The following RHOBTB1 variants were observed in gnomAD, a reference collection of about 807,000 sequenced individuals.
The protein encoded by RHOBTB1 is Rho related BTB domain containing 1, also known as rho-related BTB domain-containing protein 1.
Under a neutral mutation model 71.6 loss-of-function variants are expected in RHOBTB1, and 40 were observed. That is an observed-to-expected ratio of 0.56 (90% CI 0.43 to 0.73). The LOEUF is 0.73. Ranked by LOEUF, RHOBTB1 falls within the 30% of genes least tolerant of loss-of-function variation. The pLI is 0.00. For synonymous variants in RHOBTB1, 319 were observed against 334.9 expected (o/e 0.95, Z 0.52); for missense variants, 797 against 894.0 (o/e 0.89, Z 1.38).
chr10:60,906,736 T>C (rs752604681), intron 4 of RHOBTB1, among the ~76,000 whole-genome samples: 5 of 152,112 alleles, frequency 3.3e-5, no homozygotes, highest in Non-Finnish European at 5.9e-5. Context: ...GTCAGCAACA[T>C]AGGCTTTATT....
At chr10:60,904,405 T>A (rs1202586562) in intron 4 of RHOBTB1, among the ~76,000 whole-genome samples, 1 of 152,238 alleles carries the variant, frequency 6.6e-6, no homozygotes, top group Non-Finnish European at 1.5e-5. Flanking sequence ...AATTTCCTTA[T>A]GTTCCTTTGT....
chr10:60,998,016 C>T (rs965240092), intron 1 of RHOBTB1, among the ~76,000 whole-genome samples: 1 of 152,172 alleles, frequency 6.6e-6, no homozygotes, highest in Admixed American at 6.5e-5. Context: ...AGACTATTAG[C>T]TGATCTCTAA....
At chr10:60,903,683 CCCCTGGGTCAGACTAT>C (rs1469387466) in intron 4 of RHOBTB1, among the ~76,000 whole-genome samples, 1 of 151,550 alleles carries the variant, frequency 6.6e-6, no homozygotes, top group African/African-American at 2.4e-5. Context: ...AGACTATGGG[CCCCTGGGTCAGACTAT>C]GAGCCACTGA....
chr10:60,900,462 C>T (rs530512463), intron 4 of RHOBTB1, among the ~76,000 whole-genome samples: 8 of 152,244 alleles, frequency 5.3e-5, no homozygotes, highest in South Asian at 2.1e-4. Context: ...TTCCCTGTTC[C>T]GGGAACTGAC....
At chr10:60,895,210 C>G (rs901533181) in intron 4 of RHOBTB1, among the ~76,000 whole-genome samples, 3 of 152,042 alleles carry the variant, frequency 2.0e-5, no homozygotes, top group African/African-American at 7.3e-5. Context: ...TATTTCACCT[C>G]AAAATAATGA....
intron 2 of RHOBTB1, among the ~76,000 whole-genome samples, chr10:60,985,141 C>T (rs1239094936): frequency 1.3e-5 from 2 of 151,992 alleles, no homozygotes; most frequent in African/African-American, 4.8e-5. Flanking sequence ...GAGAGTTTTC[C>T]TTTTAAATAT....
intron 2 of RHOBTB1, among the ~76,000 whole-genome samples, chr10:60,955,012 T>C (rs182235259): frequency 1.1e-4 from 17 of 150,708 alleles, no homozygotes; most frequent in Non-Finnish European, 1.9e-4. Context: ...CATACTTATT[T>C]GACAAGGGGA....
chr10:60,861,627 GA>G, the RHOBTB1 span, among the ~76,000 whole-genome samples: 1 of 151,282 alleles, frequency 6.6e-6, no homozygotes, highest in Non-Finnish European at 1.5e-5. Flanking sequence ...TTCTCCTTTG[GA>G]ACATGCCTAG....
chr10:60,931,193 G>A (rs1033482848), intron 2 of RHOBTB1, among the ~76,000 whole-genome samples: 3 of 151,912 alleles, frequency 2.0e-5, no homozygotes, highest in Non-Finnish European at 4.4e-5. Flanking sequence ...TAAAATCCAC[G>A]TGCTACACAT....
chr10:60,884,512 A>G (rs1405809350), intron 7 of RHOBTB1, among the ~76,000 whole-genome samples: 1 of 152,198 alleles, frequency 6.6e-6, no homozygotes, highest in Non-Finnish European at 1.5e-5. Context: ...AACAGTTTGT[A>G]AAAAGACAAA....
intron 2 of RHOBTB1, among the ~76,000 whole-genome samples, chr10:60,926,510 C>T (rs1188794321): frequency 6.6e-6 from 1 of 152,154 alleles, no homozygotes; most frequent in African/African-American, 2.4e-5. Context: ...AATTCAACAA[C>T]ACACTAAAAA....
chr10:60,897,346 T>TA (rs2082208597), intron 4 of RHOBTB1, among the ~76,000 whole-genome samples: 1 of 152,230 alleles, frequency 6.6e-6, no homozygotes, highest in South Asian at 2.1e-4. Context: ...GTAACAAACT[T>TA]TTATTGTTAA....
intron 1 of RHOBTB1, among the ~76,000 whole-genome samples, chr10:60,988,509 A>C (rs1432144607): frequency 1.3e-5 from 2 of 151,732 alleles, no homozygotes; most frequent in Non-Finnish European, 2.9e-5. Flanking sequence ...CTTTATGTCC[A>C]TGTGTACCCA....
At chr10:60,875,119 G>A in intron 8 of RHOBTB1, 77 bp from the exon 9 acceptor site, 1 of 1,028,038 alleles carries the variant, frequency 9.7e-7, no homozygotes, top group Non-Finnish European at 1.5e-6. Context: ...GGGTTGGTCT[G>A]GGACGACTTA....
chr10:60,970,687 C>T (rs1897359), intron 2 of RHOBTB1, among the ~76,000 whole-genome samples: 81,953 of 151,876 alleles, frequency 0.54, 22,390 homozygotes, highest in East Asian at 0.77. Flanking sequence ...TACTTTTTAA[C>T]AGTTCCGTGG....
rs545923988 is a variant in RHOBTB1, at chr10:60,960,286, G to T, written c.-61-18432C>A. On this transcript the variant is annotated intron_variant, in intron 2 of 11. Transcript: ENST00000357917. ...ATGATGCTTCCATAGAATTTCCATA[G>T]AATGTAATTAATGTGACAACCAGAA... is the stretch of plus-strand genomic sequence containing the variant. 4.2e-3 allele frequency among the ~76,000 whole-genome samples: 643 copies of T among 152,246 alleles called. 1 individual carries two copies. Among genetic ancestry groups the T allele is most frequent in the Non-Finnish European group, 7.1e-3 (481 of 68,010 alleles).
At chr10:60,999,154 G>A (rs1291419921) in intron 1 of RHOBTB1, among the ~76,000 whole-genome samples, 1 of 152,212 alleles carries the variant, frequency 6.6e-6, no homozygotes, top group Non-Finnish European at 1.5e-5. Context: ...CAGAGGTTAA[G>A]TTACTTGGAT....
intron 2 of RHOBTB1, among the ~76,000 whole-genome samples, chr10:60,979,361 C>G (rs186510970): frequency 6.6e-6 from 1 of 151,994 alleles, no homozygotes; most frequent in East Asian, 1.9e-4. Context: ...TGCAAACTTA[C>G]CTAGTTAAAG....
At chr10:60,936,619 T>C (rs537307329) in intron 2 of RHOBTB1, among the ~76,000 whole-genome samples, 3 of 152,348 alleles carry the variant, frequency 2.0e-5, no homozygotes, top group South Asian at 4.1e-4. Flanking sequence ...CACTATTCTT[T>C]AGAACCTCAT....
Sources: allele counts gnomAD v4.1 joint callset (sites outside exome capture counted in the v4.1 genomes callset), GRCh38; gene constraint gnomAD v4.1.1; transcripts MANE v1.5; gene names NCBI Gene and HGNC (gene_info 2026-07-23, HGNC 2026-07-21).